CD44: variants seen among roughly 807,000 people sequenced by gnomAD.
CD44 encodes the protein CD44 molecule (IN blood group).
A neutral mutation model predicts 88.8 loss-of-function variants in CD44; 49 were observed. The observed-to-expected ratio is 0.55, with a 90% CI of 0.44 to 0.70. The LOEUF (loss-of-function observed/expected upper bound fraction) is 0.70, where lower values mean the gene tolerates loss of function less well. Among genes scored for constraint, CD44 ranks in the 30% least tolerant of loss-of-function variants. CD44 has a pLI of 0.00. For synonymous variants in CD44, 325 were observed against 312.3 expected, an observed-to-expected ratio of 1.04 and a Z score of -0.43; for missense variants, 883 against 913.8, an observed-to-expected ratio of 0.97 and a Z score of 0.43.
chr11:35,222,558 C>A (rs1949389811), intron 17 of CD44: 2 of 979,172 alleles, frequency 2.0e-6, no homozygotes, highest in South Asian at 8.1e-5. Flanking sequence ...CTACCTGAAC[C>A]AAGACCTATA....
intron 2 of CD44, among the ~76,000 whole-genome samples, chr11:35,178,175 C>G (rs1243677094): frequency 6.6e-6 from 1 of 152,218 alleles, no homozygotes; most frequent in Non-Finnish European, 1.5e-5. Context: ...GACTAGGCCA[C>G]TGGCCTAAGA....
At chr11:35,217,087 G>A (rs149095620) in intron 15 of CD44, among the ~76,000 whole-genome samples, 1 of 151,750 alleles carries the variant, frequency 6.6e-6, no homozygotes, top group Non-Finnish European at 1.5e-5. Flanking sequence ...AGACATCTAG[G>A]GCACAAGGCA....
chr11:35,213,006 T>G (rs1948533570), intron 14 of CD44, among the ~76,000 whole-genome samples: 1 of 151,742 alleles, frequency 6.6e-6, no homozygotes, highest in South Asian at 2.1e-4. Context: ...TTATTTTTAG[T>G]AGAAATGGGG....
At chr11:35,144,175 C>T (rs147775480) in intron 1 of CD44, among the ~76,000 whole-genome samples, 236 of 152,318 alleles carry the variant, frequency 1.5e-3, no homozygotes, top group Non-Finnish European at 2.7e-3. Flanking sequence ...GGTTGGAGAT[C>T]ACCTGGGCCT....
At chr11:35,152,585 A>C (rs1193869496) in intron 1 of CD44, among the ~76,000 whole-genome samples, 1 of 152,240 alleles carries the variant, frequency 6.6e-6, no homozygotes, top group Non-Finnish European at 1.5e-5. Flanking sequence ...GCTAGTAGGC[A>C]GAAACACGTG....
intron 3 of CD44, among the ~76,000 whole-genome samples, chr11:35,182,252 T>C (rs973171733): frequency 1.3e-5 from 2 of 151,812 alleles, no homozygotes; most frequent in Admixed American, 6.6e-5. Flanking sequence ...TCAGTGGCTT[T>C]AGTCTACACC....
intron 17 of CD44, chr11:35,222,759 C>T (rs1004536868): frequency 5.1e-5 from 50 of 980,458 alleles, no homozygotes; most frequent in Middle Eastern, 1.0e-3. Context: ...TTCTCCAGGA[C>T]GTAATTCATA....
chr11:35,174,772 G>A (rs953953063), intron 1 of CD44, among the ~76,000 whole-genome samples: 1 of 152,186 alleles, frequency 6.6e-6, no homozygotes, highest in Non-Finnish European at 1.5e-5. Context: ...TTAAAAGTGT[G>A]TTTCTGAGGA....
In CD44 at chr11:35,189,900, A is replaced by T; in HGVS notation, c.502A>T (p.Ile168Phe). The T allele has an allele frequency of 6.2e-7, 1 of 1,614,158 alleles. No homozygotes were observed. Among genetic ancestry groups the T allele is most frequent in the Non-Finnish European group, 8.5e-7 (1 of 1,180,012 alleles). ...KGEYRTNPED[I>F]YPSNPTDDDV... is the part of the protein sequence containing the mutation. ...AGAATACAGAACGAATCCTGAAGACATCTACCCCAGCAACCCTACTGATGA... is the reference window on the plus strand; with the variant it reads ...AGAATACAGAACGAATCCTGAAGACTTCTACCCCAGCAACCCTACTGATGA... The change falls in exon 5 of 18, where the codon ATC (isoleucine) becomes TTC (phenylalanine). Residue 168 changes from isoleucine to phenylalanine, a missense_variant. By Grantham distance (21) the Ile-to-Phe change is conservative (BLOSUM62 0). Around this residue, in one of 2 missense-constraint regions of CD44, gnomAD observed 252 missense variants for 322.9 expected, o/e 0.78. Transcript: ENST00000428726.
At chr11:35,151,194 T>C (rs1433073652) in intron 1 of CD44, among the ~76,000 whole-genome samples, 1 of 151,978 alleles carries the variant, frequency 6.6e-6, no homozygotes, top group East Asian at 1.9e-4. Flanking sequence ...AAGAATGGCT[T>C]GATTGGGGCC....
chr11:35,222,624 C>T (rs1042487610), intron 17 of CD44: 88 of 647,692 alleles, frequency 1.4e-4, no homozygotes, highest in Non-Finnish European at 1.5e-4. Context: ...TATACACATA[C>T]ATTATATATA....
At chr11:35,173,648 A>T (rs1308363409) in intron 1 of CD44, among the ~76,000 whole-genome samples, 2 of 152,096 alleles carry the variant, frequency 1.3e-5, no homozygotes, top group Non-Finnish European at 2.9e-5. Context: ...TTCTTTTACT[A>T]TTTTCAGAAT....
intron 8 of CD44, 69 bp from the exon 9 acceptor site, chr11:35,201,602 A>G: frequency 3.8e-6 from 6 of 1,589,818 alleles, no homozygotes; most frequent in East Asian, 2.2e-5. Flanking sequence ...ATGCACTTTA[A>G]TGGAAGAATA....
rs374279208 is a variant in CD44, at chr11:35,195,122, G to C, written c.668-1624G>C. On this transcript the variant is annotated intron_variant, in intron 5 of 17. Transcript: ENST00000428726. The stretch of plus-strand genomic sequence containing the variant: ...GCTCTTAGCTCTATATCCCTGCAAA[G>C]TGTATTGTTACAGGAGCTTTGGGGA... 9.8e-5 allele frequency among the ~76,000 whole-genome samples: 15 copies of C among 152,312 alleles called. No homozygotes were observed. The East Asian group carries it at 1.5e-3, about 16-fold the overall frequency.
At chr11:35,197,175 T>C in intron 6 of CD44, 1 of 213,072 alleles carries the variant, frequency 4.7e-6, no homozygotes, top group Non-Finnish European at 9.5e-6. Context: ...AGATCATTCA[T>C]GTATATTCTA....
chr11:35,169,713 G>C (rs972636745), intron 1 of CD44, among the ~76,000 whole-genome samples: 1 of 152,232 alleles, frequency 6.6e-6, no homozygotes, highest in African/African-American at 2.4e-5. Context: ...CTACAATCTA[G>C]GCAAAGCTTT....
chr11:35,168,779 G>T (rs1483435131), intron 1 of CD44, among the ~76,000 whole-genome samples: 1 of 152,232 alleles, frequency 6.6e-6, no homozygotes, highest in African/African-American at 2.4e-5. Context: ...GGCATAGTAT[G>T]ACTGTAGGTT....
At chr11:35,172,170 T>C (rs353645) in intron 1 of CD44, among the ~76,000 whole-genome samples, 2 of 151,974 alleles carry the variant, frequency 1.3e-5, no homozygotes, top group Non-Finnish European at 2.9e-5. Context: ...TGCTTTGACT[T>C]GTCCACTTTT....
chr11:35,208,774 G>A (rs1215653384), intron 12 of CD44, among the ~76,000 whole-genome samples: 1 of 152,132 alleles, frequency 6.6e-6, no homozygotes, highest in African/African-American at 2.4e-5. Flanking sequence ...TCAAATTCTA[G>A]TAGCCTTAAT....
Sources: gnomAD v4.1 joint callset for allele counts (sites outside exome capture counted in the v4.1 genomes callset) on GRCh38, gnomAD v4.1.1 for gene constraint, gnomAD v4.1.1 regional missense constraint, MANE v1.5 for transcripts, NCBI Gene and HGNC (gene_info 2026-07-23, HGNC 2026-07-21) for gene names.